Variants in WDPCP observed in about 807,000 individuals in gnomAD.
The protein encoded by WDPCP is WD repeat-containing and planar cell polarity effector protein fritz homolog.
WDPCP carries 71 observed loss-of-function variants against 93.1 expected under a neutral mutation model. The observed-to-expected ratio is 0.76, with a 90% CI of 0.63 to 0.93. The LOEUF (loss-of-function observed/expected upper bound fraction) is 0.93, where lower values mean the gene tolerates loss of function less well. WDPCP is among the 40% of genes least tolerant of loss of function. The pLI is 0.00. For synonymous variants in WDPCP, 315 were observed against 315.0 expected (o/e 1.00, Z 0.00); for missense variants, 844 against 887.4 (o/e 0.95, Z 0.62).
chr2:63,451,137 A>G (rs1698217288), intron 6 of WDPCP, among the ~76,000 whole-genome samples: 1 of 152,016 alleles, frequency 6.6e-6, no homozygotes, highest in Non-Finnish European at 1.5e-5. Flanking sequence ...GAAATTTACC[A>G]AAGAGAGAAA....
chr2:63,660,396 G>T (rs1710213665), intron 2 of WDPCP, among the ~76,000 whole-genome samples: 1 of 152,144 alleles, frequency 6.6e-6, no homozygotes, highest in Non-Finnish European at 1.5e-5. Context: ...TGCTTGAATT[G>T]CAATTGGTAG....
intron 2 of WDPCP, among the ~76,000 whole-genome samples, chr2:63,769,142 A>C (rs1238250590): frequency 6.6e-6 from 1 of 151,972 alleles, no homozygotes; most frequent in Non-Finnish European, 1.5e-5. Context: ...GTTGGGCCAC[A>C]ACTGTAGGCT....
chr2:63,808,624 G>A (rs941021462), intron 2 of WDPCP, among the ~76,000 whole-genome samples: 2 of 152,236 alleles, frequency 1.3e-5, no homozygotes, highest in Non-Finnish European at 2.9e-5. Flanking sequence ...GATTGCAGAC[G>A]GAGTCTCGTT....
At chr2:63,413,652 G>T (rs1695184392) in intron 9 of WDPCP, among the ~76,000 whole-genome samples, 1 of 152,092 alleles carries the variant, frequency 6.6e-6, no homozygotes, top group African/African-American at 2.4e-5. Flanking sequence ...AAAAAAATTA[G>T]CCAGGTGTGG....
rs1678298786 is a variant in WDPCP, at chr2:63,226,464, C to T, written c.1915+32843G>A. 2.0e-5 allele frequency among the ~76,000 whole-genome samples: 3 copies of T among 151,884 alleles called. No homozygotes were observed. In the South Asian group the frequency reaches 6.2e-4, roughly 32 times the overall value. The stretch of plus-strand genomic sequence containing the variant: ...TTCAAGATTTCTTGAAATTCCTGAC[C>T]TGAGTCATCTTTGTGATGTGTCACA... On this transcript the variant is annotated intron_variant, in intron 14 of 17. Transcript: ENST00000272321.
intron 11 of WDPCP, 51 bp downstream of exon 11, chr2:63,381,855 C>A (rs780217225): frequency 1.3e-5 from 21 of 1,586,396 alleles, no homozygotes; most frequent in Non-Finnish European, 1.6e-5. Flanking sequence ...TCAATAAAAT[C>A]TATTTCATGT....
intron 14 of WDPCP, among the ~76,000 whole-genome samples, chr2:63,245,217 G>C (rs1680177489): frequency 6.6e-6 from 1 of 152,114 alleles, no homozygotes; most frequent in Non-Finnish European, 1.5e-5. Flanking sequence ...GTGCAAGCCA[G>C]GTGTGCCAAT....
intron 13 of WDPCP, among the ~76,000 whole-genome samples, chr2:63,269,377 C>T (rs936942755): frequency 6.6e-6 from 1 of 152,128 alleles, no homozygotes; most frequent in African/African-American, 2.4e-5. Context: ...CAAAAGATGA[C>T]AAACTGACAG....
chr2:63,800,974 A>C (rs1192223379), intron 2 of WDPCP, among the ~76,000 whole-genome samples: 1 of 152,246 alleles, frequency 6.6e-6, no homozygotes, highest in African/African-American at 2.4e-5. Flanking sequence ...GGATCACTTG[A>C]GTCCGGCAGG....
At chr2:63,778,417 CAAGCTGGTCTTA>C (rs572416265) in intron 2 of WDPCP, among the ~76,000 whole-genome samples, 1 of 152,202 alleles carries the variant, frequency 6.6e-6, no homozygotes, top group South Asian at 2.1e-4. Flanking sequence ...CCATCTTGGC[CAAGCTGGTCTTA>C]AACCCCTGAC....
At chr2:63,723,289 T>TAAAA (rs369400703) in intron 2 of WDPCP, among the ~76,000 whole-genome samples, 5 of 138,148 alleles carry the variant, frequency 3.6e-5, no homozygotes, top group Non-Finnish European at 7.9e-5. Flanking sequence ...AATAAAAAAT[T>TAAAA]AAAAAAAAAA....
chr2:63,204,883 T>C (rs189464028), intron 14 of WDPCP, among the ~76,000 whole-genome samples: 81 of 152,320 alleles, frequency 5.3e-4, no homozygotes, highest in African/African-American at 1.8e-3. Flanking sequence ...ATTTTTGCTT[T>C]AGTTACCTGT....
intron 10 of WDPCP, among the ~76,000 whole-genome samples, chr2:63,402,828 G>A (rs1694256214): frequency 6.6e-6 from 1 of 152,204 alleles, no homozygotes; most frequent in African/African-American, 2.4e-5. Context: ...CACTGTGAGG[G>A]GGGAGTGTAA....
At chr2:63,393,390 TG>T (rs1401151289) in intron 10 of WDPCP, among the ~76,000 whole-genome samples, 1 of 150,032 alleles carries the variant, frequency 6.7e-6, no homozygotes, top group Admixed American at 6.7e-5. Context: ...TGTCAGCGGG[TG>T]GGGGGCTAGG....
the WDPCP span, among the ~76,000 whole-genome samples, chr2:63,833,620 C>T: frequency 6.6e-6 from 1 of 152,254 alleles, no homozygotes; most frequent in East Asian, 1.9e-4. Flanking sequence ...TATAGCATAC[C>T]TAATCTAGAA....
At chr2:63,711,970 T>C (rs1669269954) in intron 2 of WDPCP, among the ~76,000 whole-genome samples, 1 of 152,118 alleles carries the variant, frequency 6.6e-6, no homozygotes, top group Admixed American at 6.5e-5. Context: ...ATGGCAACAT[T>C]TAAGGATTTT....
intron 12 of WDPCP, among the ~76,000 whole-genome samples, chr2:63,330,052 G>A (rs1322182771): frequency 3.3e-5 from 5 of 152,190 alleles, no homozygotes; most frequent in Non-Finnish European, 7.4e-5. Context: ...CAATGAGCAT[G>A]AGTATAGATG....
chr2:63,623,022 G>A (rs771211199), intron 3 of WDPCP, among the ~76,000 whole-genome samples: 23 of 152,240 alleles, frequency 1.5e-4, no homozygotes, highest in East Asian at 9.6e-4. Context: ...CACTTCCGGC[G>A]CAGCCCCGCT....
intron 1 of WDPCP, among the ~76,000 whole-genome samples, chr2:63,560,971 T>TA (rs1270427920): frequency 1.3e-5 from 2 of 152,128 alleles, no homozygotes; most frequent in Admixed American, 6.6e-5. Flanking sequence ...CCCTAGAACT[T>TA]AAAGTATAAT....
Sources: allele counts gnomAD v4.1 joint callset (sites outside exome capture counted in the v4.1 genomes callset), GRCh38; gene constraint gnomAD v4.1.1; transcripts MANE v1.5; gene names NCBI Gene and HGNC (gene_info 2026-07-23, HGNC 2026-07-21).